The following FGGY variants were observed in gnomAD, a reference collection of about 807,000 sequenced individuals.
FGGY encodes the protein FGGY carbohydrate kinase domain containing.
Under a neutral mutation model 71.3 loss-of-function variants are expected in FGGY, and 72 were observed. That is an observed-to-expected ratio of 1.01 (90% CI 0.84 to 1.23). FGGY has a LOEUF of 1.23. Among genes scored for constraint, FGGY ranks in the 50% most tolerant of loss-of-function variants. The pLI, the probability that FGGY is intolerant of heterozygous loss-of-function variation, is 0.00. For synonymous variants in FGGY, 251 were observed against 250.3 expected (o/e 1.00, Z -0.02); for missense variants, 668 against 682.3 (o/e 0.98, Z 0.23).
chr1:59,693,726 G>A (rs2097619519), intron 14 of FGGY, among the ~76,000 whole-genome samples: 2 of 152,168 alleles, frequency 1.3e-5, no homozygotes, highest in Admixed American at 6.5e-5. Context: ...GGGAAAGCTG[G>A]CCAGGCTCGG....
intron 9 of FGGY, among the ~76,000 whole-genome samples, chr1:59,615,854 C>A (rs2096746958): frequency 6.6e-6 from 1 of 152,106 alleles, no homozygotes; most frequent in Admixed American, 6.5e-5. Context: ...ACAGACACTT[C>A]TCAAATGAAG....
chr1:59,690,049 G>C lies in FGGY; in HGVS notation c.1512+15916G>C, dbSNP rs151065561. 1.3e-3 allele frequency among the ~76,000 whole-genome samples: 194 copies of C among 152,326 alleles called. 1 individual carries two copies. The highest frequency in any genetic ancestry group is 4.5e-3 in the African/African-American group (189 of 41,576). On this transcript the variant is annotated intron_variant, in intron 14 of 15. Transcript: ENST00000303721. ...TGGTTTGGATAATTGGACTACAGCA[G>C]TTGTCTTCATCTCAGTAAACTGACT...
chr1:59,654,647 C>A (rs960470203), intron 11 of FGGY, among the ~76,000 whole-genome samples: 1 of 152,024 alleles, frequency 6.6e-6, no homozygotes, highest in Non-Finnish European at 1.5e-5. Context: ...ATTTTAGAAC[C>A]TATGAACCTA....
rs149686831 is a variant in FGGY, at chr1:59,429,961, T to A, written c.555-27000T>A. The stretch of plus-strand genomic sequence containing the variant: ...TCCAATAAATTTTATAGCTGCATGA[T>A]CCTGTTTCAGAGCTGAAGGGAGATT... On this transcript the variant is annotated intron_variant, in intron 5 of 15. Coordinates refer to ENST00000303721, the MANE Select transcript of FGGY (RefSeq NM_018291.5). 1.1e-4 allele frequency among the ~76,000 whole-genome samples: 16 copies of A among 152,292 alleles called. No individual in the cohort carries two copies. In the East Asian group the frequency reaches 3.1e-3, roughly 29 times the overall value.
intron 12 of FGGY, among the ~76,000 whole-genome samples, chr1:59,664,684 G>C (rs1177309305): frequency 6.6e-6 from 1 of 152,180 alleles, no homozygotes; most frequent in Non-Finnish European, 1.5e-5. Flanking sequence ...CTTAAGATTA[G>C]AGATGCTATT....
chr1:59,584,412 C>T (rs547026101), intron 8 of FGGY, among the ~76,000 whole-genome samples: 3 of 150,050 alleles, frequency 2.0e-5, no homozygotes, highest in African/African-American at 7.5e-5. Context: ...GAACAAACAA[C>T]AAAAACCATA....
chr1:59,448,170 T>C (rs192270483), intron 5 of FGGY, among the ~76,000 whole-genome samples: 1 of 152,362 alleles, frequency 6.6e-6, no homozygotes, highest in East Asian at 1.9e-4. Flanking sequence ...AGATTTTCGA[T>C]GCTGTCATCT....
At chr1:59,645,685 T>C (rs530968967) in intron 11 of FGGY, among the ~76,000 whole-genome samples, 8 of 152,340 alleles carry the variant, frequency 5.3e-5, no homozygotes, top group Admixed American at 4.6e-4. Flanking sequence ...GTGGCCTTTG[T>C]TTTGTGGTGT....
At chr1:59,391,691 T>C (rs2060717952) in intron 5 of FGGY, among the ~76,000 whole-genome samples, 2 of 152,206 alleles carry the variant, frequency 1.3e-5, no homozygotes. Context: ...TTTTCCCCAG[T>C]TCTCTGCTGT....
At chr1:59,358,243 C>T (rs1026602884) in intron 4 of FGGY, among the ~76,000 whole-genome samples, 87 of 152,170 alleles carry the variant, frequency 5.7e-4, no homozygotes, top group Non-Finnish European at 1.5e-4. Flanking sequence ...AAGTAAATCT[C>T]ATTTCTCTGA....
chr1:59,416,079 A>G (rs907338534), intron 5 of FGGY, among the ~76,000 whole-genome samples: 3 of 152,156 alleles, frequency 2.0e-5, no homozygotes, highest in Admixed American at 2.0e-4. Flanking sequence ...TATTTAAATC[A>G]ATTAGTTACA....
intron 11 of FGGY, among the ~76,000 whole-genome samples, chr1:59,645,771 A>T (rs181503103): frequency 1.5e-4 from 23 of 152,364 alleles, no homozygotes; most frequent in Admixed American, 1.4e-3. Flanking sequence ...GAGACATATC[A>T]GGCCCTGAAA....
Position 59,546,706 on chromosome 1 carries a change from C to T in FGGY, c.800-7418C>T, listed in dbSNP as rs6699622. Among the ~76,000 whole-genome samples, 204 of 151,792 alleles carry T rather than the reference C, an allele frequency of 1.3e-3. 2 individuals are homozygous for T. Among genetic ancestry groups the T allele is most frequent in the African/African-American group, 4.4e-3 (184 of 41,394 alleles). On this transcript the variant is annotated intron_variant, in intron 7 of 15. Transcript: ENST00000303721. ...GGACTATAGGTGCCGCCACCACGCC[C>T]GGCTAATTTTTTGTATTTTTAGTAG...
chr1:59,662,620 G>A (rs1173012861), intron 12 of FGGY, among the ~76,000 whole-genome samples: 8 of 152,278 alleles, frequency 5.3e-5, no homozygotes, highest in African/African-American at 1.9e-4. Flanking sequence ...TTATGATACT[G>A]TATGTTTACT....
At chr1:59,413,434 C>A (rs1172706503) in intron 5 of FGGY, among the ~76,000 whole-genome samples, 1 of 151,962 alleles carries the variant, frequency 6.6e-6, no homozygotes, top group African/African-American at 2.4e-5. Context: ...AATGAAAGAG[C>A]CAGTGAATAA....
chr1:59,482,626 G>C (rs615650), intron 6 of FGGY, among the ~76,000 whole-genome samples: 2,993 of 54,918 alleles, frequency 0.054, 103 homozygotes, highest in African/African-American at 0.17. Context: ...GTGTGTGTGT[G>C]TCTGTGTGTA....
At chr1:59,308,538 T>C (rs2153089391) in intron 1 of FGGY, among the ~76,000 whole-genome samples, 3 of 152,272 alleles carry the variant, frequency 2.0e-5, no homozygotes, top group Middle Eastern at 6.8e-3. Context: ...TTATGATAGG[T>C]CTTTATACAA....
At chr1:59,322,504 G>A (rs547939539) in intron 2 of FGGY, among the ~76,000 whole-genome samples, 8 of 152,200 alleles carry the variant, frequency 5.3e-5, no homozygotes, top group East Asian at 3.9e-4. Flanking sequence ...CTTTGCCTCC[G>A]AGGTGCACTC....
At chr1:59,381,096 G>A (rs186517209) in intron 5 of FGGY, among the ~76,000 whole-genome samples, 49 of 152,246 alleles carry the variant, frequency 3.2e-4, no homozygotes, top group African/African-American at 1.1e-3. Flanking sequence ...AAGATCAGAT[G>A]GTTGTAGATA....
Sources: allele counts gnomAD v4.1 joint callset (sites outside exome capture counted in the v4.1 genomes callset), GRCh38; gene constraint gnomAD v4.1.1; transcripts MANE v1.5; gene names NCBI Gene and HGNC (gene_info 2026-07-23, HGNC 2026-07-21).